FAT3: variants seen among roughly 807,000 people sequenced by gnomAD.
The protein encoded by FAT3 is FAT atypical cadherin 3, also known as protocadherin Fat 3.
Under a neutral mutation model 310.2 loss-of-function variants are expected in FAT3, and 95 were observed. That is an observed-to-expected ratio of 0.31 (90% CI 0.26 to 0.36). The LOEUF is 0.36. Ranked by LOEUF, FAT3 falls within the 10% of genes least tolerant of loss-of-function variation. The pLI is 1.00. For synonymous variants in FAT3, 2,314 were observed against 2,192.9 expected (o/e 1.06, Z -1.54); for missense variants, 5,408 against 5,715.6 (o/e 0.95, Z 1.74).
At chr11:92,723,567 C>T (rs568582651) in intron 4 of FAT3, among the ~76,000 whole-genome samples, 21 of 152,244 alleles carry the variant, frequency 1.4e-4, no homozygotes, top group Admixed American at 9.8e-4. Flanking sequence ...GCTTCACTCT[C>T]GGTACCAATT....
chr11:92,490,215 G>A (rs1445530941), intron 2 of FAT3, among the ~76,000 whole-genome samples: 2 of 152,096 alleles, frequency 1.3e-5, no homozygotes, highest in African/African-American at 4.8e-5. Context: ...AATGATGATA[G>A]CCATCGGCAT....
intron 3 of FAT3, among the ~76,000 whole-genome samples, chr11:92,530,654 C>T (rs1178639129): frequency 1.3e-5 from 2 of 151,958 alleles, no homozygotes; most frequent in Non-Finnish European, 2.9e-5. Context: ...TAGAATCAAG[C>T]AGAATTTGTT....
intron 3 of FAT3, among the ~76,000 whole-genome samples, chr11:92,532,614 T>G (rs958263524): frequency 2.0e-5 from 3 of 152,102 alleles, no homozygotes; most frequent in African/African-American, 7.2e-5. Context: ...GTGAATTAAG[T>G]TATCATTTTC....
At chr11:92,531,278 T>C (rs1308171183) in intron 3 of FAT3, among the ~76,000 whole-genome samples, 1 of 152,164 alleles carries the variant, frequency 6.6e-6, no homozygotes, top group African/African-American at 2.4e-5. Flanking sequence ...AATTCAGCGG[T>C]GACCTTTGCA....
chr11:92,749,652 C>T (rs1413151529), intron 4 of FAT3, among the ~76,000 whole-genome samples: 1 of 152,150 alleles, frequency 6.6e-6, no homozygotes, highest in Non-Finnish European at 1.5e-5. Context: ...GGAAAATACT[C>T]AACGATGGGT....
intron 2 of FAT3, among the ~76,000 whole-genome samples, chr11:92,511,981 T>G (rs1953305532): frequency 6.6e-6 from 1 of 152,132 alleles, no homozygotes; most frequent in Non-Finnish European, 1.5e-5. Context: ...AACTTGGAAT[T>G]GCCTTCTTTT....
At chr11:92,461,643 GTGAAGACC>G (rs1951641502) in intron 2 of FAT3, among the ~76,000 whole-genome samples, 1 of 152,112 alleles carries the variant, frequency 6.6e-6, no homozygotes, top group Admixed American at 6.6e-5. Flanking sequence ...AGGACACTGT[GTGAAGACC>G]TAAAGTTAAA....
intron 2 of FAT3, among the ~76,000 whole-genome samples, chr11:92,409,352 T>G (rs917361116): frequency 2.0e-5 from 3 of 152,246 alleles, no homozygotes; most frequent in Admixed American, 1.3e-4. Flanking sequence ...TTTCTCCCTT[T>G]GTACTTGAGA....
intron 3 of FAT3, among the ~76,000 whole-genome samples, chr11:92,557,567 T>C (rs1169901448): frequency 6.6e-6 from 1 of 152,166 alleles, no homozygotes; most frequent in African/African-American, 2.4e-5. Context: ...TCTCCTTAGC[T>C]CTGACCTTCC....
At chr11:92,750,634 T>TTC (rs10558123) in intron 4 of FAT3, among the ~76,000 whole-genome samples, 1,848 of 149,620 alleles carry the variant, frequency 0.012, 14 homozygotes, top group Non-Finnish European at 0.017. Context: ...GATTTGGCTG[T>TTC]TCTCTCTCTC....
At chr11:92,604,252 A>G (rs1473447174) in intron 3 of FAT3, among the ~76,000 whole-genome samples, 1 of 152,216 alleles carries the variant, frequency 6.6e-6, no homozygotes, top group Non-Finnish European at 1.5e-5. Context: ...GGTAGATACT[A>G]ATATATATGG....
intron 1 of FAT3, among the ~76,000 whole-genome samples, chr11:92,249,816 T>C (rs562902894): frequency 2.0e-4 from 31 of 152,200 alleles, no homozygotes; most frequent in South Asian, 1.9e-3. Context: ...ATGAAGTCAT[T>C]GGAGAGAGCT....
At chr11:92,551,516 C>G (rs1444357565) in intron 3 of FAT3, among the ~76,000 whole-genome samples, 1 of 151,128 alleles carries the variant, frequency 6.6e-6, no homozygotes, top group Non-Finnish European at 1.5e-5. Context: ...ATAGACCCTG[C>G]AGTTCAACCT....
At chr11:92,641,127 C>T (rs1307371689) in intron 3 of FAT3, among the ~76,000 whole-genome samples, 1 of 152,054 alleles carries the variant, frequency 6.6e-6, no homozygotes, top group Non-Finnish European at 1.5e-5. Flanking sequence ...GCCCAGGGAT[C>T]AAGGCTGCAG....
At chr11:92,319,277 T>C (rs187257901) in intron 1 of FAT3, among the ~76,000 whole-genome samples, 34 of 152,270 alleles carry the variant, frequency 2.2e-4, no homozygotes, top group African/African-American at 7.2e-4. Context: ...CGGGATATAA[T>C]TGGTTGATAC....
intron 2 of FAT3, among the ~76,000 whole-genome samples, chr11:92,453,481 A>ATT (rs964249224): frequency 6.8e-6 from 1 of 146,420 alleles, no homozygotes; most frequent in African/African-American, 2.5e-5. Context: ...CCATTTTCCA[A>ATT]TTTTTTTTTT....
At chr11:92,720,086 G>A (rs767997031) in intron 4 of FAT3, among the ~76,000 whole-genome samples, 2 of 152,096 alleles carry the variant, frequency 1.3e-5, no homozygotes, top group Non-Finnish European at 2.9e-5. Flanking sequence ...ATTTATGACC[G>A]GAACTCATAG....
At chr11:92,697,264 G>T (rs1396098780) in intron 3 of FAT3, 120 bp from the exon 4 acceptor site, 1 of 697,648 alleles carries the variant, frequency 1.4e-6, no homozygotes, top group African/African-American at 1.8e-5. Flanking sequence ...TGTCATGGGG[G>T]ATTGGAAAGT....
intron 4 of FAT3, among the ~76,000 whole-genome samples, chr11:92,718,459 T>C (rs186794823): frequency 2.0e-3 from 306 of 152,158 alleles, no homozygotes; most frequent in Non-Finnish European, 3.3e-3. Context: ...AGGAAGTACC[T>C]GGGGTTTCTT....
Sources: allele counts gnomAD v4.1 joint callset (sites outside exome capture counted in the v4.1 genomes callset), GRCh38; gene constraint gnomAD v4.1.1; transcripts MANE v1.5; gene names NCBI Gene and HGNC (gene_info 2026-07-23, HGNC 2026-07-21).